The following NRXN1 variants were observed in gnomAD, a reference collection of about 807,000 sequenced individuals.
The protein encoded by NRXN1 is neurexin-1.
In NRXN1, 39 loss-of-function variants were observed where a neutral mutation model predicts 150.9. That is an observed-to-expected ratio of 0.26 (90% CI 0.20 to 0.34). The LOEUF is 0.34. Ranked by LOEUF, NRXN1 falls within the 10% of genes least tolerant of loss-of-function variation. The pLI is 1.00. For missense variants in NRXN1, 1,815 were observed against 1,949.9 expected, an observed-to-expected ratio of 0.93 and a Z score of 1.30; for synonymous variants, 924 against 757.0, an observed-to-expected ratio of 1.22 and a Z score of -3.62.
chr2:50,551,965 A>G (rs1242316763), intron 9 of NRXN1, among the ~76,000 whole-genome samples: 1 of 152,060 alleles, frequency 6.6e-6, no homozygotes, highest in East Asian at 1.9e-4. Flanking sequence ...TTTACCTGCC[A>G]CCTTTACCCC....
intron 5 of NRXN1, among the ~76,000 whole-genome samples, chr2:50,785,315 C>G (rs1311773991): frequency 7.1e-6 from 1 of 139,882 alleles, no homozygotes; most frequent in Non-Finnish European, 1.5e-5. Context: ...GTGGCACAAT[C>G]TCAGCTCACT....
chr2:50,313,074 G>T (rs952903166), intron 17 of NRXN1, among the ~76,000 whole-genome samples: 4 of 152,046 alleles, frequency 2.6e-5, no homozygotes, highest in Non-Finnish European at 4.4e-5. Flanking sequence ...AATAAATCAA[G>T]AAGAGAGTGA....
chr2:50,494,417 A>C (rs1201939453), intron 15 of NRXN1, among the ~76,000 whole-genome samples: 1 of 152,204 alleles, frequency 6.6e-6, no homozygotes, highest in Non-Finnish European at 1.5e-5. Context: ...CCCACTGTGC[A>C]AAACAGGGGG....
At chr2:50,611,549 C>T (rs968319685) in intron 8 of NRXN1, among the ~76,000 whole-genome samples, 1 of 152,138 alleles carries the variant, frequency 6.6e-6, no homozygotes, top group Non-Finnish European at 1.5e-5. Context: ...TGGCAAGGTG[C>T]CTGGTTTCTG....
chr2:50,517,087 A>C lies in NRXN1; in HGVS notation c.2375-10470T>G, dbSNP rs570206110. 3.9e-5 allele frequency among the ~76,000 whole-genome samples: 6 copies of C among 152,300 alleles called. No homozygotes were observed. In the South Asian group the frequency reaches 1.2e-3, roughly 32 times the overall value. ...CTTGAGCAACCTTCTTACTTTCTGC[A>C]TGCCTCAGTATCCTCATATATCTCA... On this transcript the variant is annotated intron_variant, in intron 12 of 22. Coordinates refer to ENST00000401669, the MANE Select transcript of NRXN1 (RefSeq NM_001330078.2).
chr2:50,867,225 T>C (rs1261157125), intron 5 of NRXN1, among the ~76,000 whole-genome samples: 1 of 151,858 alleles, frequency 6.6e-6, no homozygotes, highest in African/African-American at 2.4e-5. Flanking sequence ...TCCCATCTCC[T>C]ATGTAGTGAC....
chr2:50,904,312 G>A (rs1683359935), intron 5 of NRXN1, among the ~76,000 whole-genome samples: 1 of 152,034 alleles, frequency 6.6e-6, no homozygotes, highest in African/African-American at 2.4e-5. Flanking sequence ...TTCACCCTAG[G>A]CTTCCTTGCA....
intron 2 of NRXN1, among the ~76,000 whole-genome samples, chr2:50,966,609 T>A (rs1486058250): frequency 6.6e-6 from 1 of 151,770 alleles, no homozygotes; most frequent in African/African-American, 2.4e-5. Flanking sequence ...AATTAGAAAT[T>A]CCATTTTAAT....
At chr2:50,996,248 C>A (rs1405222515) in intron 2 of NRXN1, among the ~76,000 whole-genome samples, 5 of 152,014 alleles carry the variant, frequency 3.3e-5, no homozygotes, top group South Asian at 2.1e-4. Context: ...TGGCACAATG[C>A]CACAAAGGTG....
chr2:50,128,250 G>C (rs12151727), intron 18 of NRXN1, among the ~76,000 whole-genome samples: 42,005 of 151,930 alleles, frequency 0.28, 6,285 homozygotes, highest in Admixed American at 0.41. Context: ...GCAAAGCATG[G>C]AGGAAAAAAG....
intron 18 of NRXN1, among the ~76,000 whole-genome samples, chr2:50,229,556 G>C (rs954326428): frequency 1.3e-5 from 2 of 151,932 alleles, no homozygotes; most frequent in Non-Finnish European, 2.9e-5. Flanking sequence ...CACAGACTCT[G>C]TCTGGATCAT....
chr2:50,918,816 C>T (rs1685583212), intron 5 of NRXN1: 1 of 257,398 alleles, frequency 3.9e-6, no homozygotes, highest in African/African-American at 2.2e-5. Flanking sequence ...ATCCTAACAA[C>T]AACATCATTG....
intron 19 of NRXN1, among the ~76,000 whole-genome samples, chr2:50,086,801 G>C (rs558011593): frequency 2.0e-5 from 3 of 148,348 alleles, no homozygotes; most frequent in African/African-American, 7.7e-5. Context: ...AAGAGAGAGA[G>C]GGGGAGAGGC....
chr2:50,100,190 T>A (rs189039515), intron 18 of NRXN1, among the ~76,000 whole-genome samples: 1 of 152,300 alleles, frequency 6.6e-6, no homozygotes, highest in East Asian at 1.9e-4. Context: ...GAAGTATCAG[T>A]AATCTGTGAA....
intron 18 of NRXN1, among the ~76,000 whole-genome samples, chr2:50,197,562 G>C (rs1448347648): frequency 2.6e-5 from 4 of 151,954 alleles, no homozygotes; most frequent in East Asian, 3.9e-4. Context: ...GTGATGTTTT[G>C]CTTTAAAAAG....
At chr2:50,727,328 A>C (rs1697498771) in intron 5 of NRXN1, among the ~76,000 whole-genome samples, 1 of 152,232 alleles carries the variant, frequency 6.6e-6, no homozygotes, top group Admixed American at 6.5e-5. Flanking sequence ...GACACAGTCA[A>C]TGTGTTAACA....
chr2:50,764,278 T>TA (rs886157311), intron 5 of NRXN1, among the ~76,000 whole-genome samples: 4 of 151,948 alleles, frequency 2.6e-5, no homozygotes, highest in African/African-American at 9.7e-5. Flanking sequence ...GGGCATGACA[T>TA]AAAGCAAATG....
intron 21 of NRXN1, among the ~76,000 whole-genome samples, chr2:50,013,448 G>A (rs1003679491): frequency 6.6e-6 from 1 of 152,046 alleles, no homozygotes; most frequent in East Asian, 1.9e-4. Context: ...GGTACCCAGA[G>A]TAAAAGAATT....
chr2:50,185,556 G>C (rs2061011134), intron 18 of NRXN1: 1 of 152,060 alleles, frequency 6.6e-6, no homozygotes, highest in Admixed American at 6.6e-5. Context: ...AGCCTCAGAT[G>C]CATTGAGAGC....
Sources: allele counts gnomAD v4.1 joint callset (sites outside exome capture counted in the v4.1 genomes callset), GRCh38; gene constraint gnomAD v4.1.1; transcripts MANE v1.5; gene names NCBI Gene and HGNC (gene_info 2026-07-23, HGNC 2026-07-21).